The following APBB2 variants were observed in gnomAD, a reference collection of about 807,000 sequenced individuals.
The protein encoded by APBB2 is amyloid beta precursor protein binding family B member 2.
APBB2 carries 38 observed loss-of-function variants against 82.5 expected under a neutral mutation model. The ratio of observed to expected loss-of-function variants is 0.46; its 90% CI spans 0.36 to 0.60. The LOEUF (loss-of-function observed/expected upper bound fraction) is 0.60. Ranked by LOEUF, APBB2 falls within the 20% of genes least tolerant of loss-of-function variation. The pLI is 0.00. For synonymous variants in APBB2, 341 were observed against 368.2 expected (o/e 0.93, Z 0.85); for missense variants, 772 against 972.3 (o/e 0.79, Z 2.74).
At chr4:41,112,986 C>CA (rs575565463) in intron 2 of APBB2, among the ~76,000 whole-genome samples, 6,847 of 127,864 alleles carry the variant, frequency 0.054, 362 homozygotes, top group African/African-American at 0.15. Flanking sequence ...GACTCTGTCT[C>CA]AAAAAAAAAA....
At chr4:41,108,132 G>A (rs780460691) in intron 2 of APBB2, among the ~76,000 whole-genome samples, 39 of 152,098 alleles carry the variant, frequency 2.6e-4, no homozygotes, top group South Asian at 4.1e-4. Flanking sequence ...AAGTGTGTGC[G>A]TGTAAAGAGA....
intron 7 of APBB2, 58 bp from the exon 8 acceptor site, chr4:40,935,197 G>T (rs879199436): frequency 3.0e-6 from 3 of 1,008,658 alleles, no homozygotes; most frequent in Non-Finnish European, 4.0e-6. Flanking sequence ...AAAAAGAAAA[G>T]AAAAGAAAAA....
Position 40,815,963 on chromosome 4 carries a change from T to C in APBB2, c.*129A>G. ...AGAGAACATGCTTGTCTAACACTGC[T>C]TGGTTAAGGGTAAATTCTCTGAAGA... On this transcript the variant is annotated 3_prime_UTR_variant, in exon 18 of 18. Transcript: ENST00000508593. 1 of 1,009,736 alleles carries C rather than the reference T, an allele frequency of 9.9e-7. No individual in the cohort carries two copies. Among genetic ancestry groups the C allele is most frequent in the East Asian group, 2.4e-5 (1 of 41,676 alleles). 62.5% of individuals were successfully genotyped at this position (1,009,736 alleles called of 1,614,324 possible). A position where few individuals can be genotyped will look rare whatever the true frequency, so the allele number is the denominator to read the frequency against.
chr4:40,857,268 A>G (rs1490274532), intron 12 of APBB2: 2 of 759,216 alleles, frequency 2.6e-6, no homozygotes, highest in Non-Finnish European at 3.2e-6. Context: ...ACTCCCGTGA[A>G]GTGCTCCCGC....
At chr4:40,822,107 TGG>T (rs1748182005) in intron 16 of APBB2, 57 bp from the exon 17 acceptor site, 1 of 1,587,670 alleles carries the variant, frequency 6.3e-7, no homozygotes, top group African/African-American at 1.3e-5. Context: ...AGCTTAAGAG[TGG>T]CAGCACATAG....
At chr4:41,054,590 T>C (rs1727179640) in intron 4 of APBB2, among the ~76,000 whole-genome samples, 3 of 152,174 alleles carry the variant, frequency 2.0e-5, no homozygotes, top group Non-Finnish European at 1.5e-5. Flanking sequence ...AAGCATCCAC[T>C]ACCTATAAAG....
chr4:40,947,092 T>A (rs576971369), intron 6 of APBB2, among the ~76,000 whole-genome samples: 1 of 152,316 alleles, frequency 6.6e-6, no homozygotes, highest in South Asian at 2.1e-4. Context: ...TAATCAAACA[T>A]GTGTTTACAT....
intron 5 of APBB2, among the ~76,000 whole-genome samples, chr4:41,020,476 C>T (rs1811185800): frequency 6.6e-6 from 1 of 152,184 alleles, no homozygotes; most frequent in East Asian, 1.9e-4. Context: ...CAAACCAGTG[C>T]CAGCTGTTTG....
intron 6 of APBB2, among the ~76,000 whole-genome samples, chr4:40,977,318 G>GTTTT: frequency 6.9e-6 from 1 of 145,366 alleles, no homozygotes; most frequent in Admixed American, 6.8e-5. Context: ...CAATATAGTT[G>GTTTT]TTTTTTTTTT....
rs1553899623 is a variant in APBB2, at chr4:40,992,362, G to GC, written c.835+21220_835+21221insG. Among the ~76,000 whole-genome samples, 7 of 4,190 alleles carry GC rather than the reference G, an allele frequency of 1.7e-3. No homozygotes were observed. The East Asian group carries it at 0.024, about 15-fold the overall frequency. 2.7% of individuals were successfully genotyped at this position (4,190 alleles called of 152,430 possible). Reference sequence around the variant, plus strand: ...TTATTTATTTATTTTTGGTAGAGATGGGGGGGGGTCTTTCTATGTTGCCCA... The same window carrying GC: ...TTATTTATTTATTTTTGGTAGAGATGCGGGGGGGGTCTTTCTATGTTGCCCA... On this transcript the variant is annotated intron_variant, in intron 6 of 17. Coordinates refer to ENST00000508593, the MANE Select transcript of APBB2 (RefSeq NM_004307.2).
At chr4:41,024,727 A>C (rs1398167032) in intron 5 of APBB2, among the ~76,000 whole-genome samples, 2 of 152,166 alleles carry the variant, frequency 1.3e-5, no homozygotes, top group Non-Finnish European at 2.9e-5. Flanking sequence ...CGGTAACTTG[A>C]GTATTCTGTT....
chr4:40,940,028 C>T (rs531755707), intron 7 of APBB2, among the ~76,000 whole-genome samples: 30 of 152,260 alleles, frequency 2.0e-4, no homozygotes, highest in African/African-American at 7.2e-4. Flanking sequence ...CTTGGCTATG[C>T]AGCTGATTTA....
At chr4:41,120,101 C>T (rs1199996175) in intron 2 of APBB2, among the ~76,000 whole-genome samples, 2 of 152,292 alleles carry the variant, frequency 1.3e-5, no homozygotes, top group Admixed American at 6.5e-5. Context: ...TTCAAATCCA[C>T]GACTAGTGAC....
intron 1 of APBB2, among the ~76,000 whole-genome samples, chr4:41,201,051 A>G (rs971084943): frequency 5.3e-5 from 8 of 152,242 alleles, no homozygotes; most frequent in African/African-American, 1.9e-4. Flanking sequence ...TTAGAAGTAC[A>G]GCATCAAATG....
chr4:40,856,870 C>G, intron 12 of APBB2: 1 of 899,430 alleles, frequency 1.1e-6, no homozygotes, highest in South Asian at 5.1e-5. Context: ...AGGCAACTCG[C>G]TAAGCGCTGA....
intron 6 of APBB2, among the ~76,000 whole-genome samples, chr4:40,974,303 C>T (rs566502150): frequency 3.3e-5 from 5 of 152,174 alleles, no homozygotes; most frequent in African/African-American, 1.2e-4. Flanking sequence ...TCTTTCTGGG[C>T]GGACACAATT....
At chr4:41,011,361 A>G (rs1353480539) in intron 6 of APBB2, among the ~76,000 whole-genome samples, 1 of 151,434 alleles carries the variant, frequency 6.6e-6, no homozygotes, top group Non-Finnish European at 1.5e-5. Context: ...TTGTACTTTT[A>G]GTAGAGACAG....
intron 1 of APBB2, among the ~76,000 whole-genome samples, chr4:41,199,455 T>C (rs1170574460): frequency 6.6e-6 from 1 of 152,236 alleles, no homozygotes; most frequent in Non-Finnish European, 1.5e-5. Context: ...GCAGTACTTA[T>C]AATCTGCCTA....
intron 6 of APBB2, among the ~76,000 whole-genome samples, chr4:41,007,471 G>A (rs915695680): frequency 2.0e-5 from 3 of 152,124 alleles, no homozygotes; most frequent in South Asian, 2.1e-4. Context: ...AAGGCAAAGC[G>A]TGAGGTCAAC....
Sources: allele counts gnomAD v4.1 joint callset (sites outside exome capture counted in the v4.1 genomes callset), GRCh38; gene constraint gnomAD v4.1.1; transcripts MANE v1.5; gene names NCBI Gene and HGNC (gene_info 2026-07-23, HGNC 2026-07-21).